Variants in ATP8B4 observed in about 807,000 individuals in gnomAD.
The protein encoded by ATP8B4 is probable phospholipid-transporting ATPase IM.
Under a neutral mutation model 145.6 loss-of-function variants are expected in ATP8B4, and 133 were observed. The observed-to-expected ratio is 0.91, with a 90% CI of 0.79 to 1.05. The LOEUF is 1.05. ATP8B4 is among the 50% of genes least tolerant of loss of function. The pLI, the probability that ATP8B4 is intolerant of heterozygous loss-of-function variation, is 0.00. For synonymous variants in ATP8B4, 507 were observed against 492.9 expected (o/e 1.03, Z -0.38); for missense variants, 1,458 against 1,425.2 (o/e 1.02, Z -0.37).
intron 23 of ATP8B4, among the ~76,000 whole-genome samples, chr15:49,889,245 C>T (rs770699354): frequency 6.6e-6 from 1 of 151,978 alleles, no homozygotes; most frequent in Non-Finnish European, 1.5e-5. Context: ...CCTTGCCTAC[C>T]GCTGATCCTC....
chr15:50,064,792 C>A (rs575073642), intron 3 of ATP8B4, among the ~76,000 whole-genome samples: 2 of 152,242 alleles, frequency 1.3e-5, no homozygotes, highest in African/African-American at 4.8e-5. Context: ...AAGAAACTTG[C>A]AATCATGGCA....
intron 23 of ATP8B4, chr15:49,883,539 A>G (rs1245046361): frequency 2.6e-5 from 4 of 152,228 alleles, no homozygotes; most frequent in Admixed American, 2.6e-4. Flanking sequence ...ACTCTGTGCC[A>G]TTTTAAGTGC....
intron 1 of ATP8B4, among the ~76,000 whole-genome samples, chr15:50,142,186 C>G (rs1451893471): frequency 2.0e-5 from 3 of 152,156 alleles, no homozygotes; most frequent in Non-Finnish European, 4.4e-5. Context: ...CGAACAGGAG[C>G]CATGGGGCAG....
chr15:50,097,824 A>G (rs1187854902), intron 2 of ATP8B4, among the ~76,000 whole-genome samples: 2 of 152,212 alleles, frequency 1.3e-5, no homozygotes, highest in African/African-American at 4.8e-5. Flanking sequence ...AATGAACTGT[A>G]TCATATATCT....
chr15:49,860,035 C>G lies in ATP8B4; in HGVS notation c.*159G>C. ...GCCTGGTTTTCCATAGCGCACACTC[C>G]TGTTTGATGGGCACTGGCAGTTGTC... On this transcript the variant is annotated 3_prime_UTR_variant, in exon 28 of 28. Coordinates refer to ENST00000284509, the MANE Select transcript of ATP8B4 (RefSeq NM_024837.4). The G allele has an allele frequency of 1.2e-6, 1 of 859,534 alleles. No individual in the cohort carries two copies. The highest frequency in any genetic ancestry group is 1.8e-5 in the South Asian group (1 of 56,782). 53.2% of individuals were successfully genotyped at this position (859,534 alleles called of 1,614,324 possible). A position where few individuals can be genotyped will look rare whatever the true frequency, so the allele number is the denominator to read the frequency against.
chr15:49,968,052 G>A (rs1247621359), intron 13 of ATP8B4, among the ~76,000 whole-genome samples: 1 of 152,002 alleles, frequency 6.6e-6, no homozygotes, highest in Non-Finnish European at 1.5e-5. Context: ...AGAAATAAAC[G>A]CCTTTACAGA....
intron 20 of ATP8B4, among the ~76,000 whole-genome samples, chr15:49,915,188 T>C (rs970383508): frequency 6.6e-6 from 1 of 152,094 alleles, no homozygotes; most frequent in Non-Finnish European, 1.5e-5. Context: ...ACGGGTTCCA[T>C]GTTAAGTCAA....
intron 7 of ATP8B4, among the ~76,000 whole-genome samples, chr15:50,009,910 T>C (rs2048599952): frequency 6.6e-6 from 1 of 152,162 alleles, no homozygotes; most frequent in Admixed American, 6.5e-5. Flanking sequence ...GTGAACTCTT[T>C]TGTGAATGGC....
intron 1 of ATP8B4, among the ~76,000 whole-genome samples, chr15:50,113,947 T>G (rs576275827): frequency 6.6e-6 from 1 of 151,012 alleles, no homozygotes; most frequent in African/African-American, 2.4e-5. Flanking sequence ...ATTTACTGTA[T>G]AACATACAGC....
intron 6 of ATP8B4, among the ~76,000 whole-genome samples, chr15:50,020,566 C>G (rs1276020760): frequency 6.6e-6 from 1 of 152,094 alleles, no homozygotes; most frequent in Admixed American, 6.6e-5. Flanking sequence ...ATCTTCAGCC[C>G]ACACCTCTCC....
intron 1 of ATP8B4, among the ~76,000 whole-genome samples, chr15:50,113,838 CAAAAAAAAAAAAAAAAA>C: frequency 1.5e-5 from 1 of 67,256 alleles, no homozygotes; most frequent in South Asian, 6.7e-4. Flanking sequence ...AACTCCATCT[CAAAAAAAAAAAAAAAAA>C]AAAAAAAAAA....
intron 6 of ATP8B4, among the ~76,000 whole-genome samples, chr15:50,035,825 C>A (rs959364034): frequency 6.6e-6 from 1 of 152,142 alleles, no homozygotes; most frequent in Admixed American, 6.5e-5. Context: ...GCTGACTATA[C>A]CCTGCCTCCT....
In ATP8B4 at chr15:49,963,079, C is replaced by T. The variant is rs183980371; in HGVS notation, c.1244-1059G>A. 9.0e-4 allele frequency among the ~76,000 whole-genome samples: 137 copies of T among 151,834 alleles called. 1 individual carries two copies. Among genetic ancestry groups the T allele is most frequent in the African/African-American group, 3.2e-3 (131 of 41,412 alleles). On this transcript the variant is annotated intron_variant, in intron 13 of 27. Coordinates refer to ENST00000284509, the MANE Select transcript of ATP8B4 (RefSeq NM_024837.4). ...TAAACAAATTTACAAGAGAAAAAAC[C>T]CGACAACCGCCATTAAAATGTGGGC...
Position 49,979,731 on chromosome 15 carries a change from C to T in ATP8B4, c.920G>A (p.Arg307Lys), listed in dbSNP as rs766973778. The T allele has an allele frequency of 6.2e-7, 1 of 1,611,032 alleles. No homozygotes were observed. Among genetic ancestry groups the T allele is most frequent in the Admixed American group, 1.7e-5 (1 of 59,906 alleles). ...TCCTTCATTCCAAAAGAGGAAAGTT[C>T]TGAATTGGTCCCCAGTTTGACTCTC... ...IWESQTGDQF[R>K]TFLFWNEGEK... is the part of the protein sequence containing the mutation. Residue 307 changes from arginine to lysine, a missense_variant, in exon 12 of 28, where the codon AGA becomes AAA. Transcript: ENST00000284509.
intron 2 of ATP8B4, among the ~76,000 whole-genome samples, chr15:50,089,565 A>G (rs1221866336): frequency 6.6e-6 from 1 of 152,202 alleles, no homozygotes; most frequent in African/African-American, 2.4e-5. Context: ...CAAAAACCAC[A>G]GTGAGATACT....
chr15:50,162,348 C>A (rs181057028), intron 1 of ATP8B4, among the ~76,000 whole-genome samples: 1 of 151,110 alleles, frequency 6.6e-6, no homozygotes, highest in Non-Finnish European at 1.5e-5. Context: ...TCTACTTATA[C>A]TTTATTAATA....
intron 23 of ATP8B4, among the ~76,000 whole-genome samples, chr15:49,882,444 T>A (rs972505603): frequency 1.3e-5 from 2 of 152,210 alleles, no homozygotes; most frequent in Non-Finnish European, 2.9e-5. Context: ...AAAATACTCA[T>A]AGCAGCATTG....
rs755004524 is a variant in ATP8B4, at chr15:49,987,558, T to G, written c.590-9A>C. On this transcript the variant is annotated splice_polypyrimidine_tract_variant and intron_variant, in intron 9 of 27. Coordinates refer to ENST00000284509, the MANE Select transcript of ATP8B4 (RefSeq NM_024837.4). ...CTCACAGACAACAATCCCTGGAAAA[T>G]AAAAAAACAAAACAAACCTCTTTAT... 9 of 1,608,288 alleles carry G rather than the reference T, an allele frequency of 5.6e-6. No individual in the cohort carries two copies. The highest frequency in any genetic ancestry group is 1.7e-6 in the Non-Finnish European group (2 of 1,178,040).
Position 49,876,498 on chromosome 15 carries a change from T to A in ATP8B4, c.2807A>T (p.Asp936Val). The stretch of plus-strand genomic sequence containing the variant: ...TCCTGGTTTGTAGAGCTGGGGACAG[T>A]CCACGCTGTTCTGGTCACTCACATC... ...DQDVSDQNSV[D>V]CPQLYKPGQL... is the part of the protein sequence containing the mutation. The change falls in exon 25 of 28, where the codon GAC (aspartate) becomes GTC (valine). Residue 936 changes from aspartate (D) to valine (V), a missense_variant. Transcript: ENST00000284509. 6.2e-7 allele frequency: 1 copy of A among 1,614,048 alleles called. No homozygotes were observed. The highest frequency in any genetic ancestry group is 8.5e-7 in the Non-Finnish European group (1 of 1,179,936).
Sources: gnomAD v4.1 joint callset for allele counts (sites outside exome capture counted in the v4.1 genomes callset) on GRCh38, gnomAD v4.1.1 for gene constraint, MANE v1.5 for transcripts, NCBI Gene and HGNC (gene_info 2026-07-23, HGNC 2026-07-21) for gene names.